Variants in CNTNAP2 observed in about 807,000 individuals in gnomAD.
CNTNAP2 encodes the protein contactin associated protein 2, also known as contactin-associated protein-like 2.
In CNTNAP2, 98 loss-of-function variants were observed where a neutral mutation model predicts 155.2. That is an observed-to-expected ratio of 0.63 (90% CI 0.54 to 0.75). CNTNAP2 has a LOEUF of 0.75. Ranked by LOEUF, CNTNAP2 falls within the 30% of genes least tolerant of loss-of-function variation. The pLI is 0.00. For synonymous variants in CNTNAP2, 651 were observed against 631.2 expected, an observed-to-expected ratio of 1.03 and a Z score of -0.47; for missense variants, 1,727 against 1,688.1, an observed-to-expected ratio of 1.02 and a Z score of -0.40.
intron 4 of CNTNAP2, among the ~76,000 whole-genome samples, chr7:147,092,689 G>A (rs773789891): frequency 2.6e-5 from 4 of 152,166 alleles, no homozygotes; most frequent in Admixed American, 6.5e-5. Flanking sequence ...TCACCATAGA[G>A]GGAATGTAAA....
intron 15 of CNTNAP2, among the ~76,000 whole-genome samples, chr7:148,090,397 A>G (rs1209500634): frequency 2.0e-5 from 3 of 152,156 alleles, no homozygotes; most frequent in Admixed American, 6.5e-5. Context: ...AAGGAATTCA[A>G]ATAATTCAGT....
chr7:146,524,154 C>T (rs1428101603), intron 1 of CNTNAP2, among the ~76,000 whole-genome samples: 1 of 152,084 alleles, frequency 6.6e-6, no homozygotes, highest in Non-Finnish European at 1.5e-5. Context: ...AACATAGACT[C>T]ACTATGTCGA....
chr7:148,297,664 A>AT (rs71527891), intron 21 of CNTNAP2, among the ~76,000 whole-genome samples: 6 of 151,680 alleles, frequency 4.0e-5, no homozygotes, highest in Admixed American at 6.6e-5. Context: ...GAATATCTTA[A>AT]TTTTTTTTTA....
At chr7:147,639,751 G>GT (rs1416473351) in intron 13 of CNTNAP2, among the ~76,000 whole-genome samples, 1 of 152,182 alleles carries the variant, frequency 6.6e-6, no homozygotes, top group Non-Finnish European at 1.5e-5. Context: ...TTGCTTCACA[G>GT]TACCTGTTTG....
intron 12 of CNTNAP2, among the ~76,000 whole-genome samples, chr7:147,634,485 T>C (rs183218415): frequency 6.4e-4 from 97 of 152,150 alleles, no homozygotes; most frequent in Non-Finnish European, 2.6e-4. Context: ...AAAGACTACG[T>C]ATTGGGTACA....
At chr7:148,079,548 T>C (rs1337886714) in intron 15 of CNTNAP2, among the ~76,000 whole-genome samples, 1 of 152,200 alleles carries the variant, frequency 6.6e-6, no homozygotes, top group Non-Finnish European at 1.5e-5. Context: ...CCAGACTCAG[T>C]GAATTCTCTC....
chr7:147,001,769 G>GA (rs538206983), intron 3 of CNTNAP2, among the ~76,000 whole-genome samples: 3 of 149,662 alleles, frequency 2.0e-5, no homozygotes, highest in Admixed American at 6.7e-5. Context: ...TCAGGTATTT[G>GA]AAAAAAAAGA....
intron 21 of CNTNAP2, among the ~76,000 whole-genome samples, chr7:148,319,233 C>T (rs1029160334): frequency 6.6e-5 from 10 of 152,026 alleles, no homozygotes; most frequent in African/African-American, 2.4e-4. Context: ...GTACTTTTCC[C>T]TTTATATTTC....
At position 147,951,946 on chromosome 7, in the gene CNTNAP2, A is replaced by T. The variant is rs562136321; in HGVS notation, c.2256-25916A>T. Among the ~76,000 whole-genome samples, 33 of 150,978 alleles carry T rather than the reference A, an allele frequency of 2.2e-4. No homozygotes were observed. In the East Asian group the frequency reaches 2.7e-3, roughly 12 times the overall value. ...GAACTTAAAGTAAAATTAATTAAAT[A>T]AAAAAAAATGAAAATGAAAATAAAT... On this transcript the variant is annotated intron_variant, in intron 14 of 23. Transcript: ENST00000361727.
intron 15 of CNTNAP2, among the ~76,000 whole-genome samples, chr7:148,102,904 C>T (rs1246662483): frequency 6.6e-6 from 1 of 152,180 alleles, no homozygotes; most frequent in Non-Finnish European, 1.5e-5. Context: ...GTCCTGATGA[C>T]ATGTGCCCAA....
chr7:147,575,253 G>A (rs1377154264), intron 12 of CNTNAP2, among the ~76,000 whole-genome samples: 1 of 123,914 alleles, frequency 8.1e-6, no homozygotes, highest in Non-Finnish European at 1.6e-5. Context: ...GTGTGTGTGT[G>A]TGTATTCCCT....
chr7:146,591,754 G>A (rs1458354575), intron 1 of CNTNAP2, among the ~76,000 whole-genome samples: 1 of 152,076 alleles, frequency 6.6e-6, no homozygotes, highest in Admixed American at 6.6e-5. Context: ...TGTGGGTGAT[G>A]TCCACTACTC....
intron 21 of CNTNAP2, among the ~76,000 whole-genome samples, chr7:148,268,092 A>G (rs10279111): frequency 0.99 from 150,387 of 152,256 alleles, 74,296 homozygotes; most frequent in Middle Eastern, 1. Flanking sequence ...ATATGTGAAG[A>G]TTACACCCTA....
chr7:147,010,511 G>A (rs1798604674), intron 3 of CNTNAP2, among the ~76,000 whole-genome samples: 1 of 152,080 alleles, frequency 6.6e-6, no homozygotes, highest in Non-Finnish European at 1.5e-5. Context: ...AAATACCAGA[G>A]GATGATGGTA....
chr7:147,733,062 C>CT (rs1221662274), intron 13 of CNTNAP2, among the ~76,000 whole-genome samples: 4 of 152,030 alleles, frequency 2.6e-5, no homozygotes, highest in African/African-American at 4.8e-5. Context: ...TCAATTTTGG[C>CT]TTTGTTGCCA....
At chr7:146,283,597 A>G (rs1429003187) in intron 1 of CNTNAP2, among the ~76,000 whole-genome samples, 1 of 152,180 alleles carries the variant, frequency 6.6e-6, no homozygotes, top group East Asian at 1.9e-4. Flanking sequence ...TCTTAGTTTT[A>G]TTTAGGAATT....
intron 2 of CNTNAP2, among the ~76,000 whole-genome samples, chr7:146,786,480 G>A (rs1427005616): frequency 6.6e-6 from 1 of 151,980 alleles, no homozygotes; most frequent in Non-Finnish European, 1.5e-5. Flanking sequence ...TAAAAAAATT[G>A]TCACTAATAA....
At chr7:146,679,163 C>T (rs1800456073) in intron 1 of CNTNAP2, among the ~76,000 whole-genome samples, 1 of 152,034 alleles carries the variant, frequency 6.6e-6, no homozygotes, top group African/African-American at 2.4e-5. Context: ...CTCCTCCCAC[C>T]CTCAGCCTTC....
At chr7:146,291,672 T>A (rs1376530727) in intron 1 of CNTNAP2, among the ~76,000 whole-genome samples, 1 of 152,120 alleles carries the variant, frequency 6.6e-6, no homozygotes, top group Non-Finnish European at 1.5e-5. Context: ...GCAGAAAGAA[T>A]AGATTTAAAA....
Sources: allele counts gnomAD v4.1 joint callset (sites outside exome capture counted in the v4.1 genomes callset), GRCh38; gene constraint gnomAD v4.1.1; transcripts MANE v1.5; gene names NCBI Gene and HGNC (gene_info 2026-07-23, HGNC 2026-07-21).